HECW1: variants seen among roughly 807,000 people sequenced by gnomAD.
HECW1 encodes HECT, C2 and WW domain containing E3 ubiquitin protein ligase 1, also known as E3 ubiquitin-protein ligase HECW1.
In HECW1, 61 loss-of-function variants were observed where a neutral mutation model predicts 182.3. That is an observed-to-expected ratio of 0.33 (90% confidence interval 0.27 to 0.41). The LOEUF is 0.41. Among genes scored for constraint, HECW1 ranks in the 10% least tolerant of loss-of-function variants. HECW1 has a pLI of 1.00. For synonymous variants in HECW1, 859 were observed against 832.6 expected, an observed-to-expected ratio of 1.03 and a Z score of -0.55; for missense variants, 1,739 against 2,108.9, an observed-to-expected ratio of 0.82 and a Z score of 3.44.
At chr7:43,165,083 T>A (rs1425951706) in intron 2 of HECW1, among the ~76,000 whole-genome samples, 1 of 152,172 alleles carries the variant, frequency 6.6e-6, no homozygotes. Context: ...GGCTTGAAAT[T>A]TGGTTTCAAT....
chr7:43,425,225 T>TCACA (rs61442575), intron 8 of HECW1, among the ~76,000 whole-genome samples: 24,832 of 147,430 alleles, frequency 0.17, 2,141 homozygotes, highest in Middle Eastern at 0.24. Flanking sequence ...ACCAAGACAC[T>TCACA]CACACACACA....
intron 6 of HECW1, among the ~76,000 whole-genome samples, chr7:43,370,884 T>A (rs3944045): frequency 0.61 from 91,673 of 150,552 alleles, 28,026 homozygotes; most frequent in Middle Eastern, 0.67. Context: ...AGGGCAATGA[T>A]ATTCTTTTTT....
At chr7:43,164,691 G>A (rs567589325) in intron 2 of HECW1, among the ~76,000 whole-genome samples, 1 of 152,366 alleles carries the variant, frequency 6.6e-6, no homozygotes, top group East Asian at 1.9e-4. Flanking sequence ...TCCTTTTGGT[G>A]TGGAGGGAGG....
intron 4 of HECW1, among the ~76,000 whole-genome samples, chr7:43,315,480 A>G (rs1295558831): frequency 1.3e-5 from 2 of 150,182 alleles, no homozygotes; most frequent in Non-Finnish European, 3.0e-5. Context: ...TATTATTATT[A>G]TTATTATTAT....
At chr7:43,426,594 G>T (rs555599054) in intron 8 of HECW1, among the ~76,000 whole-genome samples, 1 of 152,028 alleles carries the variant, frequency 6.6e-6, no homozygotes, top group Non-Finnish European at 1.5e-5. Flanking sequence ...CCTTTCTTAT[G>T]CTTATTCAGT....
At chr7:43,431,351 G>C (rs2076543296) in intron 8 of HECW1, among the ~76,000 whole-genome samples, 2 of 152,080 alleles carry the variant, frequency 1.3e-5, no homozygotes, top group Admixed American at 6.5e-5. Context: ...GCCCCTCTCT[G>C]CATTCCTAGC....
intron 5 of HECW1, among the ~76,000 whole-genome samples, chr7:43,355,030 G>T (rs1330142160): frequency 1.4e-5 from 2 of 142,516 alleles, no homozygotes; most frequent in South Asian, 4.4e-4. Context: ...GTGCTGAAAG[G>T]AAAAAAAAAA....
intron 11 of HECW1, 41 bp from the exon 12 acceptor site, chr7:43,450,787 G>A (rs1448463239): frequency 1.6e-6 from 2 of 1,242,894 alleles, no homozygotes; most frequent in South Asian, 1.2e-5. Context: ...TGTTGCCACG[G>A]CAGTGAATGA....
chr7:43,280,142 A>G (rs1030433301), intron 3 of HECW1, among the ~76,000 whole-genome samples: 5 of 152,188 alleles, frequency 3.3e-5, no homozygotes, highest in Non-Finnish European at 7.3e-5. Context: ...AGGAATTCTT[A>G]TCACCTTTTC....
chr7:43,114,116 G>A (rs1784856995), intron 1 of HECW1, 41 bp from the exon 2 acceptor site: 1 of 600,968 alleles, frequency 1.7e-6, no homozygotes. Flanking sequence ...ATCTGCAGTG[G>A]TGCAATTCTC....
chr7:43,453,132 A>G (rs1374910837), intron 12 of HECW1, among the ~76,000 whole-genome samples: 4 of 152,198 alleles, frequency 2.6e-5, no homozygotes, highest in Non-Finnish European at 1.5e-5. Flanking sequence ...TGTCTGCCTC[A>G]GGTTTTGAAA....
intron 2 of HECW1, among the ~76,000 whole-genome samples, chr7:43,156,515 C>T (rs561167696): frequency 1.3e-5 from 2 of 152,308 alleles, no homozygotes; most frequent in South Asian, 4.1e-4. Flanking sequence ...AACACAACTG[C>T]AACCTCAAAA....
chr7:43,211,587 G>A (rs968462188), intron 2 of HECW1, among the ~76,000 whole-genome samples: 1 of 152,150 alleles, frequency 6.6e-6, no homozygotes, highest in African/African-American at 2.4e-5. Context: ...ATGGAATCCT[G>A]TCCTCAAAAC....
intron 19 of HECW1, among the ~76,000 whole-genome samples, chr7:43,499,651 T>TA (rs796917168): frequency 4.7e-4 from 71 of 150,950 alleles, no homozygotes; most frequent in African/African-American, 8.0e-4. Context: ...AGTTAAAGAT[T>TA]AAAAAAAAAC....
chr7:43,268,146 T>C (rs933820850), intron 3 of HECW1, among the ~76,000 whole-genome samples: 2 of 152,256 alleles, frequency 1.3e-5, no homozygotes, highest in African/African-American at 4.8e-5. Context: ...GAGACTCTAC[T>C]AGGCATCCTG....
intron 2 of HECW1, among the ~76,000 whole-genome samples, chr7:43,229,634 TAAAA>T (rs59002992): frequency 2.7e-5 from 4 of 150,560 alleles, no homozygotes; most frequent in African/African-American, 7.3e-5. Context: ...AAATAAAAGT[TAAAA>T]AAAAAATTAA....
intron 2 of HECW1, among the ~76,000 whole-genome samples, chr7:43,234,857 TGC>T (rs1798182094): frequency 6.6e-6 from 1 of 152,158 alleles, no homozygotes; most frequent in African/African-American, 2.4e-5. Flanking sequence ...GCTGAGTGAA[TGC>T]ATGAATGAAA....
intron 2 of HECW1, among the ~76,000 whole-genome samples, chr7:43,224,486 A>G (rs958561260): frequency 2.0e-5 from 3 of 152,198 alleles, no homozygotes; most frequent in Non-Finnish European, 2.9e-5. Flanking sequence ...CAAGCAAAGA[A>G]AAAGAATGCA....
chr7:43,379,592 C>G (rs1418674498), intron 6 of HECW1, among the ~76,000 whole-genome samples: 1 of 152,192 alleles, frequency 6.6e-6, no homozygotes, highest in Non-Finnish European at 1.5e-5. Flanking sequence ...GACACTGCCT[C>G]ATTCTTTCCA....
Sources: allele counts gnomAD v4.1 joint callset (sites outside exome capture counted in the v4.1 genomes callset), GRCh38; gene constraint gnomAD v4.1.1; transcripts MANE v1.5; gene names NCBI Gene and HGNC (gene_info 2026-07-23, HGNC 2026-07-21).